IKZF2: variants seen among roughly 807,000 people sequenced by gnomAD.
The protein encoded by IKZF2 is IKAROS family zinc finger 2.
IKZF2 carries 15 observed loss-of-function variants against 49.2 expected under a neutral mutation model. The ratio of observed to expected loss-of-function variants is 0.30; its 90% CI spans 0.20 to 0.47. The LOEUF (loss-of-function observed/expected upper bound fraction) is 0.47, where lower values mean the gene tolerates loss of function less well. Among genes scored for constraint, IKZF2 ranks in the 20% least tolerant of loss-of-function variants. IKZF2 has a pLI of 1.00. For synonymous variants in IKZF2, 227 were observed against 221.4 expected, an observed-to-expected ratio of 1.03 and a Z score of -0.23; for missense variants, 567 against 664.6, an observed-to-expected ratio of 0.85 and a Z score of 1.61.
intron 4 of IKZF2, among the ~76,000 whole-genome samples, chr2:213,117,252 T>C (rs10174623): frequency 0.055 from 8,357 of 152,212 alleles, 766 homozygotes; most frequent in African/African-American, 0.19. Context: ...AACCCACAGT[T>C]ACTGAATAAT....
At chr2:213,036,266 A>C (rs1381107001) in intron 6 of IKZF2, among the ~76,000 whole-genome samples, 1 of 152,172 alleles carries the variant, frequency 6.6e-6, no homozygotes, top group Non-Finnish European at 1.5e-5. Flanking sequence ...GTATAAGCTG[A>C]GGAGGCATAC....
At chr2:213,022,265 C>T in intron 6 of IKZF2, 135 bp from the exon 7 acceptor site, 1 of 785,684 alleles carries the variant, frequency 1.3e-6, no homozygotes, top group Non-Finnish European at 1.9e-6. Flanking sequence ...CTTTACATTC[C>T]AATTTTGGTA....
chr2:213,087,454 T>C (rs1426965186), intron 4 of IKZF2, among the ~76,000 whole-genome samples: 3 of 152,220 alleles, frequency 2.0e-5, no homozygotes, highest in Admixed American at 6.5e-5. Flanking sequence ...AGTGTGTGTG[T>C]ATATATGTAT....
chr2:213,146,769 G>GGGA lies in IKZF2; in HGVS notation c.139+938_139+939insTCC, dbSNP rs397769777. Among the ~76,000 whole-genome samples, 18 of 106,810 alleles carry GGGA rather than the reference G, an allele frequency of 1.7e-4. 1 individual carries two copies. The highest frequency in any genetic ancestry group is 5.4e-4 in the African/African-American group (17 of 31,694). 70.1% of individuals were successfully genotyped at this position (106,810 alleles called of 152,430 possible). A position where few individuals can be genotyped will look rare whatever the true frequency, so the allele number is the denominator to read the frequency against. On this transcript the variant is annotated intron_variant, in intron 4 of 8. Transcript: ENST00000434687. ...TAGTTATTAAATCTTCGGGGGGGGG[G>GGGA]AAGGAAAGAGAATGCCTTTCCTTCA...
At chr2:213,088,476 T>C (rs1407946136) in intron 4 of IKZF2, among the ~76,000 whole-genome samples, 1 of 152,188 alleles carries the variant, frequency 6.6e-6, no homozygotes, top group East Asian at 1.9e-4. Context: ...ATAATTTTCC[T>C]GGCCTGGCAC....
intron 4 of IKZF2, among the ~76,000 whole-genome samples, chr2:213,072,296 G>GTTTTTTTTTTTT (rs377550534): frequency 6.9e-6 from 1 of 144,550 alleles, no homozygotes; most frequent in Non-Finnish European, 1.5e-5. Context: ...CCTTTCCTTT[G>GTTTTTTTTTTTT]TTTTTTTTTT....
chr2:213,005,849 G>A lies in IKZF2; in HGVS notation c.*1511C>T, dbSNP rs1012685383. The A allele has an allele frequency of 4.6e-5, 7 of 151,938 alleles. No homozygotes were observed. The highest frequency in any genetic ancestry group is 1.2e-4 in the African/African-American group (5 of 41,412). The allele number at this position is 151,938 out of a possible 1,614,324, so 9.4% of individuals were successfully genotyped here. ...AATTAAAATCTGCACATGAAATATGGCAACCTATACCATGTAAGGGGAATT... is the reference window on the plus strand; with the variant it reads ...AATTAAAATCTGCACATGAAATATGACAACCTATACCATGTAAGGGGAATT... On this transcript the variant is annotated 3_prime_UTR_variant, in exon 9 of 9. Transcript: ENST00000434687.
At chr2:213,030,834 G>GTTTT (rs1698345912) in intron 6 of IKZF2, among the ~76,000 whole-genome samples, 1 of 141,410 alleles carries the variant, frequency 7.1e-6, no homozygotes. Context: ...TTTTTGTTTG[G>GTTTT]TGAGATGGAG....
intron 4 of IKZF2, among the ~76,000 whole-genome samples, chr2:213,122,008 T>C (rs916153940): frequency 6.6e-6 from 1 of 152,106 alleles, no homozygotes; most frequent in Non-Finnish European, 1.5e-5. Context: ...ATTCACATGA[T>C]TTTATAAAAC....
intron 4 of IKZF2, among the ~76,000 whole-genome samples, chr2:213,068,252 C>A (rs563639581): frequency 6.6e-5 from 10 of 152,202 alleles, no homozygotes; most frequent in African/African-American, 2.4e-4. Context: ...TTTTAGAATA[C>A]TTGATGCTTT....
intron 4 of IKZF2, among the ~76,000 whole-genome samples, chr2:213,079,404 G>A (rs1445835794): frequency 8.9e-6 from 1 of 111,984 alleles, no homozygotes; most frequent in African/African-American, 4.2e-5. Context: ...AAGAAAGAAG[G>A]AAGGAAGGAA....
rs559339746 is a variant in IKZF2, at chr2:213,117,492, T to C, written c.139+30216A>G. ...GGCCCCAGAATTTAATCAGTAGTTA[T>C]TGAACACCTACTCCAGAAAAAATGC... On this transcript the variant is annotated intron_variant, in intron 4 of 8. Transcript: ENST00000434687. 7.2e-5 allele frequency among the ~76,000 whole-genome samples: 11 copies of C among 152,286 alleles called. No individual in the cohort carries two copies. In the East Asian group the frequency reaches 9.6e-4, roughly 13 times the overall value.
At position 213,002,188 on chromosome 2, in the gene IKZF2, T is replaced by C. The variant is rs1694960668; in HGVS notation, c.*5172A>G. On this transcript the variant is annotated 3_prime_UTR_variant, in exon 9 of 9. Transcript: ENST00000434687. ...TTTTATTCACAATAAAAAGGACATCTTAGAAAACTAGTCATTCATGTACCA... is the reference window on the plus strand; with the variant it reads ...TTTTATTCACAATAAAAAGGACATCCTAGAAAACTAGTCATTCATGTACCA... 1 of 151,446 alleles carries C rather than the reference T, an allele frequency of 6.6e-6. No homozygotes were observed. 9.4% of individuals were successfully genotyped at this position (151,446 alleles called of 1,614,324 possible).
At chr2:213,053,007 C>A (rs1171451950) in intron 5 of IKZF2, among the ~76,000 whole-genome samples, 1 of 152,058 alleles carries the variant, frequency 6.6e-6, no homozygotes, top group Non-Finnish European at 1.5e-5. Context: ...AAATGGACTG[C>A]ATCAATGTGC....
chr2:213,142,164 GC>G (rs1244264412), intron 4 of IKZF2, among the ~76,000 whole-genome samples: 1 of 151,892 alleles, frequency 6.6e-6, no homozygotes, highest in Non-Finnish European at 1.5e-5. Flanking sequence ...CCAATAATAT[GC>G]AGTGATTTGC....
chr2:213,105,580 TGGGGGGGGAA>T (rs2059496242), intron 4 of IKZF2, among the ~76,000 whole-genome samples: 1 of 42,208 alleles, frequency 2.4e-5, no homozygotes, highest in Admixed American at 2.5e-4. Context: ...GTGTAGTGTG[TGGGGGGGGAA>T]GGGGGGGGTG....
chr2:213,115,921 A>T (rs1352390821), intron 4 of IKZF2, among the ~76,000 whole-genome samples: 1 of 152,210 alleles, frequency 6.6e-6, no homozygotes, highest in African/African-American at 2.4e-5. Context: ...ACAGAAAAAA[A>T]AAAAGCTGTG....
intron 7 of IKZF2, chr2:213,015,290 A>T (rs372881544): frequency 1.3e-5 from 2 of 152,238 alleles, no homozygotes; most frequent in East Asian, 3.9e-4. Flanking sequence ...TTTAATAAGA[A>T]GTCCTCTGGC....
intron 4 of IKZF2, among the ~76,000 whole-genome samples, chr2:213,058,560 T>A (rs542307835): frequency 6.6e-6 from 1 of 152,070 alleles, no homozygotes; most frequent in South Asian, 2.1e-4. Flanking sequence ...TACAAAGTGA[T>A]ATGCATCCTT....
Sources: allele counts gnomAD v4.1 joint callset (sites outside exome capture counted in the v4.1 genomes callset), GRCh38; gene constraint gnomAD v4.1.1; transcripts MANE v1.5; gene names NCBI Gene and HGNC (gene_info 2026-07-23, HGNC 2026-07-21).